The following KLHL10 variants were observed in gnomAD, a reference collection of about 807,000 sequenced individuals.
The protein encoded by KLHL10 is kelch-like protein 10.
A neutral mutation model predicts 46.6 loss-of-function variants in KLHL10; 11 were observed. That is an observed-to-expected ratio of 0.24 (90% CI 0.15 to 0.39). KLHL10 has a LOEUF of 0.39. Ranked by LOEUF, KLHL10 falls within the 10% of genes least tolerant of loss-of-function variation. KLHL10 has a pLI of 1.00. For synonymous variants in KLHL10, 254 were observed against 279.1 expected, an observed-to-expected ratio of 0.91 and a Z score of 0.90; for missense variants, 475 against 789.8, an observed-to-expected ratio of 0.60 and a Z score of 4.78.
intron 1 of KLHL10, among the ~76,000 whole-genome samples, chr17:41,839,867 C>A (rs141473839): frequency 0.011 from 1,628 of 146,920 alleles, 28 homozygotes; most frequent in African/African-American, 0.04. Context: ...TGTGTGCCAC[C>A]ACATCTGGCT....
intron 1 of KLHL10, among the ~76,000 whole-genome samples, chr17:41,839,053 G>C (rs4513146): frequency 0.76 from 115,171 of 151,878 alleles, 43,929 homozygotes; most frequent in Admixed American, 0.84. Flanking sequence ...ATGCAGTGGC[G>C]TGATCTCGGC....
Position 41,842,188 on chromosome 17 carries a change from A to T in KLHL10, c.560A>T (p.Lys187Met), listed in dbSNP as rs782215386. 3 of 1,614,206 alleles carry T rather than the reference A, an allele frequency of 1.9e-6. No individual in the cohort carries two copies. In the Admixed American group the frequency reaches 5.0e-5, roughly 27 times the overall value. ...TTAGAGCTCTCGGTCACTGAACTTA[A>T]GGATATCATTGAGAAAGATGAGCTC... The part of the protein sequence containing the change: ...EFLELSVTEL[K>M]DIIEKDELNV... Residue 187 changes from lysine to methionine, a missense_variant, in exon 2 of 5, where the codon AAG (lysine) becomes ATG (methionine). Transcript: ENST00000293303.
Position 41,842,174 on chromosome 17 carries a change from G to C in KLHL10, c.546G>C (p.Ser182=). Residue 182 remains serine (S), a synonymous_variant, in exon 2 of 5, where the codon TCG becomes TCC. Transcript: ENST00000293303. ...TCTCGGCAGAATTTTTAGAGCTCTC[G>C]GTCACTGAACTTAAGGATATCATTG... is the stretch of plus-strand genomic sequence containing the variant. The part of the protein sequence containing the change: ...VKVSAEFLEL[S]VTELKDIIEK... 6.2e-7 allele frequency: 1 copy of C among 1,614,072 alleles called. No individual in the cohort carries two copies. The highest frequency in any genetic ancestry group is 8.5e-7 in the Non-Finnish European group (1 of 1,180,014).
At chr17:41,842,542 A>G (rs1171943024) in intron 2 of KLHL10, among the ~76,000 whole-genome samples, 1 of 152,124 alleles carries the variant, frequency 6.6e-6, no homozygotes, top group Non-Finnish European at 1.5e-5. Flanking sequence ...GAGCCTTCAA[A>G]ATAATTCTAG....
intron 3 of KLHL10, 111 bp downstream of exon 3, chr17:41,845,854 G>C: frequency 7.5e-7 from 1 of 1,331,640 alleles, no homozygotes. Flanking sequence ...TCACTTTGGA[G>C]TACTCATTCT....
At chr17:41,844,692 G>A (rs1555621102) in intron 2 of KLHL10, among the ~76,000 whole-genome samples, 3 of 152,018 alleles carry the variant, frequency 2.0e-5, no homozygotes, top group African/African-American at 4.8e-5. Context: ...GGGATTACAG[G>A]TGCGTGCCAC....
At position 41,842,062 on chromosome 17, in the gene KLHL10, G is replaced by A. The variant is rs782099047; in HGVS notation, c.434G>A (p.Cys145Tyr). The change falls in exon 2 of 5, where the codon TGT (cysteine) becomes TAT (tyrosine). Residue 145 changes from cysteine to tyrosine, a missense_variant. Cys to Tyr is a radical substitution (Grantham distance 194, BLOSUM62 -2). Transcript: ENST00000293303. ...TGCTTGGATAATTGTATCGGCATCTGTAAGTTCACGGACTACTACTACTGT... is the reference window on the plus strand; with the variant it reads ...TGCTTGGATAATTGTATCGGCATCTATAAGTTCACGGACTACTACTACTGT... The part of the protein sequence containing the change: ...ELCLDNCIGI[C>Y]KFTDYYYCPE... 2 of 1,614,186 alleles carry A rather than the reference G, an allele frequency of 1.2e-6. No homozygotes were observed. The highest frequency in any genetic ancestry group is 1.7e-6 in the Non-Finnish European group (2 of 1,180,048).
At chr17:41,840,871 T>C (rs1482533695) in intron 1 of KLHL10, among the ~76,000 whole-genome samples, 1 of 152,024 alleles carries the variant, frequency 6.6e-6, no homozygotes, top group Non-Finnish European at 1.5e-5. Context: ...ATCCCAGCAC[T>C]TTGGGAGGCC....
chr17:41,847,246 G>A lies in KLHL10; in HGVS notation c.1303-15G>A, dbSNP rs1224617403. On this transcript the variant is annotated splice_polypyrimidine_tract_variant and intron_variant, in intron 3 of 4. Coordinates refer to ENST00000293303, the MANE Select transcript of KLHL10 (RefSeq NM_152467.5). ...TAGAGTGGGAATTTTAATAATCTTG[G>A]AACTCTTCACACAGGTCTACATATG... is the stretch of plus-strand genomic sequence containing the variant. 3.7e-6 allele frequency: 6 copies of A among 1,613,366 alleles called. No homozygotes were observed. In the East Asian group the frequency reaches 1.1e-4, roughly 30 times the overall value.
chr17:41,847,956 T>G lies in KLHL10; in HGVS notation c.1476T>G (p.Asn492Lys), dbSNP rs782522366. Residue 492 changes from asparagine to lysine, a missense_variant, in exon 5 of 5, where the codon AAT becomes AAG. By Grantham distance (94) the Asn-to-Lys change is moderately conservative. Coordinates refer to ENST00000293303, the MANE Select transcript of KLHL10 (RefSeq NM_152467.5). ...VYAVGGFDGA[N>K]RLRSAEAYSP... The stretch of plus-strand genomic sequence containing the variant: ...AGGTAGGTGGCTTTGATGGAGCTAA[T>G]CGACTTAGGAGTGCCGAAGCCTACA... 2 of 1,614,172 alleles carry G rather than the reference T, an allele frequency of 1.2e-6. No homozygotes were observed. Among genetic ancestry groups the G allele is most frequent in the Non-Finnish European group, 1.7e-6 (2 of 1,180,044 alleles).
At chr17:41,847,654 C>A (rs571381928) in intron 4 of KLHL10, among the ~76,000 whole-genome samples, 223 of 152,224 alleles carry the variant, frequency 1.5e-3, no homozygotes, top group Non-Finnish European at 2.0e-3. Flanking sequence ...TACCGGCACC[C>A]GCCACCATGC....
chr17:41,837,529 G>A, upstream of KLHL10: 7 of 1,025,166 alleles, frequency 6.8e-6, no homozygotes, highest in Non-Finnish European at 8.2e-6. Context: ...GGTGTCTAGG[G>A]AGCCAAGTGT....
intron 1 of KLHL10, 144 bp from the exon 2 acceptor site, chr17:41,841,679 A>G (rs2048227579): frequency 2.2e-6 from 2 of 920,642 alleles, no homozygotes; most frequent in Non-Finnish European, 1.7e-6. Context: ...AAGAGTGACC[A>G]AAGTCAGAGT....
intron 3 of KLHL10, among the ~76,000 whole-genome samples, chr17:41,846,977 T>C (rs578212265): frequency 6.6e-6 from 1 of 152,212 alleles, no homozygotes; most frequent in African/African-American, 2.4e-5. Context: ...TAGCGGAGCG[T>C]GGCAGTGTGC....
intron 3 of KLHL10, among the ~76,000 whole-genome samples, chr17:41,846,103 C>T (rs901082652): frequency 1.3e-5 from 2 of 151,550 alleles, no homozygotes; most frequent in Non-Finnish European, 2.9e-5. Context: ...CCCACCTACT[C>T]GGGAGGCTGA....
Position 41,847,920 on chromosome 17 carries a change from T to C in KLHL10, c.1453-13T>C. The C allele has an allele frequency of 6.2e-7, 1 of 1,613,790 alleles. No homozygotes were observed. The highest frequency in any genetic ancestry group is 8.5e-7 in the Non-Finnish European group (1 of 1,180,030). ...TGGTTAGCAGTCAACCGTGTTTCTT[T>C]TGCTATCCACAGGTAGGTGGCTTTG... is the stretch of plus-strand genomic sequence containing the variant. On this transcript the variant is annotated splice_polypyrimidine_tract_variant and intron_variant, in intron 4 of 4. Coordinates refer to ENST00000293303, the MANE Select transcript of KLHL10 (RefSeq NM_152467.5).
Position 41,841,989 on chromosome 17 carries a change from A to C in KLHL10, c.361A>C (p.Ile121Leu). ...KLLAAADQFN[I>L]MGIVRGCCEF... ...GCTTGCTGCTGCAGACCAGTTTAAC[A>C]TCATGGGTATCGTCAGGGGTTGCTG... The change falls in exon 2 of 5, where the codon ATC becomes CTC. Residue 121 changes from isoleucine to leucine, a missense_variant. Ile to Leu is a conservative substitution (Grantham distance 5, BLOSUM62 2). Coordinates refer to ENST00000293303, the MANE Select transcript of KLHL10 (RefSeq NM_152467.5). 5 of 1,614,192 alleles carry C rather than the reference A, an allele frequency of 3.1e-6. No individual in the cohort carries two copies. Among genetic ancestry groups the C allele is most frequent in the Non-Finnish European group, 4.2e-6 (5 of 1,180,046 alleles).
chr17:41,836,515 A>T (rs1439669844), upstream of KLHL10: 1 of 954,096 alleles, frequency 1.0e-6, no homozygotes, highest in African/African-American at 1.8e-5. Flanking sequence ...TTCCAGGCTG[A>T]AAGTTTGTGA....
upstream of KLHL10, chr17:41,835,938 G>A: frequency 1.3e-6 from 2 of 1,596,952 alleles, no homozygotes; most frequent in Non-Finnish European, 1.7e-6. Flanking sequence ...CAGGACCGTG[G>A]CCTTCATCAG....
Sources: allele counts gnomAD v4.1 joint callset (sites outside exome capture counted in the v4.1 genomes callset), GRCh38; gene constraint gnomAD v4.1.1; transcripts MANE v1.5; gene names NCBI Gene and HGNC (gene_info 2026-07-23, HGNC 2026-07-21).